OSBPL9: variants seen among roughly 807,000 people sequenced by gnomAD.
The protein encoded by OSBPL9 is oxysterol-binding protein-related protein 9.
A neutral mutation model predicts 106.6 loss-of-function variants in OSBPL9; 40 were observed. That is an observed-to-expected ratio of 0.38 (90% CI 0.29 to 0.49). OSBPL9 has a LOEUF of 0.49. Ranked by LOEUF, OSBPL9 falls within the 20% of genes least tolerant of loss-of-function variation. The probability of loss-of-function intolerance (pLI) is 0.97; values close to 1 mark genes in which losing one functional copy is unlikely to be tolerated. For synonymous variants in OSBPL9, 269 were observed against 295.4 expected (o/e 0.91, Z 0.92); for missense variants, 609 against 887.2 (o/e 0.69, Z 3.98).
At chr1:51,595,205 G>A (rs1039548337) in intron 1 of OSBPL9, among the ~76,000 whole-genome samples, 1 of 152,158 alleles carries the variant, frequency 6.6e-6, no homozygotes, top group African/African-American at 2.4e-5. Context: ...AGGTGTTAAG[G>A]GAGCGGCAGG....
chr1:51,773,775 C>G (rs190627224), intron 14 of OSBPL9, among the ~76,000 whole-genome samples: 1 of 152,280 alleles, frequency 6.6e-6, no homozygotes, highest in East Asian at 1.9e-4. Flanking sequence ...AAGTAAGTGT[C>G]TGTAATAAAA....
At chr1:51,712,282 A>C (rs574834778) in intron 3 of OSBPL9, among the ~76,000 whole-genome samples, 1 of 152,164 alleles carries the variant, frequency 6.6e-6, no homozygotes, top group Admixed American at 6.5e-5. Flanking sequence ...CGCGCCTGCA[A>C]TCGCAGGCAC....
chr1:51,656,425 T>G (rs1301024095), intron 2 of OSBPL9, among the ~76,000 whole-genome samples: 1 of 152,158 alleles, frequency 6.6e-6, no homozygotes, highest in Non-Finnish European at 1.5e-5. Flanking sequence ...ACACTATGTT[T>G]CTTCCTTTTC....
the OSBPL9 span, among the ~76,000 whole-genome samples, chr1:51,537,037 A>G: frequency 6.6e-6 from 1 of 152,202 alleles, no homozygotes; most frequent in Non-Finnish European, 1.5e-5. Context: ...CTCATTGATA[A>G]TTCTTGTCTG....
At chr1:51,765,246 C>T (rs1672322633) in intron 11 of OSBPL9, among the ~76,000 whole-genome samples, 1 of 152,092 alleles carries the variant, frequency 6.6e-6, no homozygotes, top group Admixed American at 6.5e-5. Context: ...TTCTTCTCAT[C>T]GTAGTCCTCT....
chr1:51,711,911 T>C (rs1434600882), intron 3 of OSBPL9, among the ~76,000 whole-genome samples: 4 of 150,412 alleles, frequency 2.7e-5, no homozygotes, highest in African/African-American at 9.9e-5. Context: ...CGGGCAGAGA[T>C]GCTCCTCACT....
At chr1:51,711,345 C>T (rs1400255844) in intron 3 of OSBPL9, among the ~76,000 whole-genome samples, 1 of 146,716 alleles carries the variant, frequency 6.8e-6, no homozygotes, top group Non-Finnish European at 1.5e-5. Flanking sequence ...GCTGACCCCC[C>T]CACCTCCCTC....
In OSBPL9 at chr1:51,592,521, A is replaced by C. The variant is rs573211185; in HGVS notation, c.-422-5603A>C. 4.6e-5 allele frequency among the ~76,000 whole-genome samples: 7 copies of C among 152,324 alleles called. No homozygotes were observed. In the East Asian group the frequency reaches 1.4e-3, roughly 29 times the overall value. On this transcript the variant is annotated intron_variant, in intron 1 of 25. Coordinates refer to the OSBPL9 transcript ENST00000371714. ...ATTCAGTCCAATAATTCAGCCATCC[A>C]ATAATTGTTTACTGGGCTGGAAACA...
intron 3 of OSBPL9, among the ~76,000 whole-genome samples, chr1:51,712,284 C>A (rs542025984): frequency 6.6e-6 from 1 of 152,182 alleles, no homozygotes; most frequent in Admixed American, 6.5e-5. Flanking sequence ...CGCCTGCAAT[C>A]GCAGGCACTC....
the OSBPL9 span, chr1:51,561,677 A>G: frequency 6.6e-6 from 1 of 152,240 alleles, no homozygotes. Context: ...AAAGTCTTTA[A>G]TACAGCATTT....
At chr1:51,582,636 CTTTTCAATAGA>C in intron 1 of OSBPL9, among the ~76,000 whole-genome samples, 1 of 152,158 alleles carries the variant, frequency 6.6e-6, no homozygotes, top group East Asian at 1.9e-4. Flanking sequence ...GGCCAACAGT[CTTTTCAATAGA>C]TTTCCTTCCT....
intron 2 of OSBPL9, among the ~76,000 whole-genome samples, chr1:51,655,108 A>T (rs932151202): frequency 2.6e-5 from 4 of 152,204 alleles, no homozygotes; most frequent in Non-Finnish European, 4.4e-5. Flanking sequence ...TACCATACAC[A>T]CAAAAACACC....
At position 51,767,936 on chromosome 1, in the gene OSBPL9, C is replaced by CTTTTTTTTTT. The variant is rs869092922; in HGVS notation, c.938+1973_938+1982dup. Among the ~76,000 whole-genome samples the CTTTTTTTTTT allele has an allele frequency of 3.0e-3, 192 of 65,052 alleles. 22 individuals are homozygous for CTTTTTTTTTT. Among genetic ancestry groups the CTTTTTTTTTT allele is most frequent in the African/African-American group, 0.011 (187 of 16,730 alleles). 42.7% of individuals were successfully genotyped at this position (65,052 alleles called of 152,430 possible). On this transcript the variant is annotated intron_variant, in intron 12 of 23. Transcript: ENST00000428468. Reference sequence around the variant, plus strand: ...TATTTAAAAGAGAATTAAAGACCGTCTTTTTTTTTTTTTTTTTTTTTTTTT... The same window carrying CTTTTTTTTTT: ...TATTTAAAAGAGAATTAAAGACCGTCTTTTTTTTTTTTTTTTTTTTTTTTTTTTTTTTTTT...
At chr1:51,726,570 C>T (rs1312897894) in intron 4 of OSBPL9, among the ~76,000 whole-genome samples, 1 of 151,970 alleles carries the variant, frequency 6.6e-6, no homozygotes, top group African/African-American at 2.4e-5. Flanking sequence ...ATTTTCTTTT[C>T]ATCTTAATAG....
rs113181959 is a variant in OSBPL9 at position 51,610,244 on chromosome 1, T to TTTGTTGTTG, written c.-352-4033_-352-4025dup. On this transcript the variant is annotated intron_variant, in intron 2 of 25. Transcript: ENST00000371714. ...AGAAACTCTCAAAAAGGAACTGATA[T>TTTGTTGTTG]TTGTTGTTGTTGTTGTTGTTGTTGT... Among the ~76,000 whole-genome samples, 212 of 151,020 alleles carry TTTGTTGTTG rather than the reference T, an allele frequency of 1.4e-3. 5 individuals carry two copies. The highest frequency in any genetic ancestry group is 0.011 in the South Asian group (52 of 4,756).
At chr1:51,776,356 T>C (rs1003214800) in intron 14 of OSBPL9, among the ~76,000 whole-genome samples, 7 of 152,210 alleles carry the variant, frequency 4.6e-5, no homozygotes, top group Admixed American at 1.3e-4. Flanking sequence ...CCAGTTTGAA[T>C]TCCACATTAA....
At chr1:51,740,523 C>A (rs1403914541) in intron 4 of OSBPL9, among the ~76,000 whole-genome samples, 3 of 151,848 alleles carry the variant, frequency 2.0e-5, no homozygotes, top group South Asian at 4.2e-4. Flanking sequence ...TGATAACTTA[C>A]CTGTTTTTCT....
chr1:51,568,347 G>T, the OSBPL9 span, among the ~76,000 whole-genome samples: 1 of 152,148 alleles, frequency 6.6e-6, no homozygotes, highest in Non-Finnish European at 1.5e-5. Context: ...TTGTGGCTCA[G>T]AACAGTTAAG....
upstream of OSBPL9, among the ~76,000 whole-genome samples, chr1:51,576,612 C>T (rs986904461): frequency 1.3e-5 from 2 of 152,040 alleles, no homozygotes; most frequent in African/African-American, 4.8e-5. Flanking sequence ...ACTGCAGCCT[C>T]AATCTCCTGG....
Sources: gnomAD v4.1 joint callset for allele counts (sites outside exome capture counted in the v4.1 genomes callset) on GRCh38, gnomAD v4.1.1 for gene constraint, MANE v1.5 for transcripts, NCBI Gene and HGNC (gene_info 2026-07-23, HGNC 2026-07-21) for gene names.